NETO1: variants seen among roughly 807,000 people sequenced by gnomAD.
NETO1 encodes the protein neuropilin and tolloid-like protein 1.
In NETO1, 26 loss-of-function variants were observed where a neutral mutation model predicts 61.3. The observed-to-expected ratio is 0.42, with a 90% CI of 0.31 to 0.59. The LOEUF is 0.59. NETO1 is among the 20% of genes least tolerant of loss of function. NETO1 has a pLI of 0.12. For synonymous variants in NETO1, 225 were observed against 225.8 expected (o/e 1.00, Z 0.03); for missense variants, 531 against 662.8 (o/e 0.80, Z 2.18).
intron 4 of NETO1, among the ~76,000 whole-genome samples, chr18:72,845,525 A>C (rs1329043137): frequency 1.3e-5 from 2 of 152,234 alleles, no homozygotes; most frequent in Non-Finnish European, 1.5e-5. Context: ...AGACCTACAC[A>C]AATAGACCAC....
At chr18:72,858,797 A>C in intron 4 of NETO1, 29 bp downstream of exon 4, 1 of 1,565,344 alleles carries the variant, frequency 6.4e-7, no homozygotes, top group Non-Finnish European at 8.6e-7. Flanking sequence ...AGGAAGAAAA[A>C]GAAATTTTTT....
At chr18:72,790,910 G>T (rs1427145412) in intron 6 of NETO1, among the ~76,000 whole-genome samples, 1 of 152,076 alleles carries the variant, frequency 6.6e-6, no homozygotes, top group Non-Finnish European at 1.5e-5. Flanking sequence ...GAAATTAATA[G>T]TTACCATGAT....
chr18:72,812,403 C>T (rs531612687), intron 4 of NETO1, among the ~76,000 whole-genome samples: 2 of 152,146 alleles, frequency 1.3e-5, no homozygotes, highest in South Asian at 4.1e-4. Flanking sequence ...AAAATTTACA[C>T]AGTTATCTTT....
chr18:72,865,841 C>G, intron 1 of NETO1: 1 of 620,416 alleles, frequency 1.6e-6, no homozygotes, highest in Non-Finnish European at 2.5e-6. Context: ...TCCAAGTAAC[C>G]CCGTCCCTCA....
chr18:72,820,402 G>A (rs758722041), intron 4 of NETO1, among the ~76,000 whole-genome samples: 8 of 152,278 alleles, frequency 5.3e-5, no homozygotes, highest in African/African-American at 7.2e-5. Flanking sequence ...ATACAAGTGC[G>A]CATTCTCCTT....
intron 4 of NETO1, among the ~76,000 whole-genome samples, chr18:72,810,611 T>C (rs957369569): frequency 1.3e-5 from 2 of 152,232 alleles, no homozygotes; most frequent in Non-Finnish European, 2.9e-5. Context: ...TCTGTAATTT[T>C]GAAAAGGCAC....
intron 4 of NETO1, among the ~76,000 whole-genome samples, chr18:72,826,651 C>A (rs1024930610): frequency 3.3e-5 from 5 of 152,052 alleles, no homozygotes; most frequent in African/African-American, 1.2e-4. Flanking sequence ...TTCCGTGAGA[C>A]AGGTTCACTG....
At chr18:72,753,112 A>T (rs2070676769) in intron 8 of NETO1, among the ~76,000 whole-genome samples, 1 of 152,138 alleles carries the variant, frequency 6.6e-6, no homozygotes, top group South Asian at 2.1e-4. Flanking sequence ...ACAACAAAAA[A>T]CTAGAGGAGC....
intron 7 of NETO1, among the ~76,000 whole-genome samples, chr18:72,758,501 A>C (rs111587198): frequency 1.8e-4 from 28 of 151,978 alleles, no homozygotes; most frequent in African/African-American, 6.0e-4. Context: ...TGCTGTGCAA[A>C]TGAAAAATAA....
chr18:72,751,821 A>G (rs1039628592), intron 8 of NETO1: 1 of 152,328 alleles, frequency 6.6e-6, no homozygotes, highest in African/African-American at 2.4e-5. Context: ...AAGTACAGAA[A>G]GCATTATAGC....
intron 4 of NETO1, among the ~76,000 whole-genome samples, chr18:72,805,841 AT>A (rs945422036): frequency 1.3e-4 from 20 of 151,590 alleles, no homozygotes; most frequent in African/African-American, 2.7e-4. Context: ...ATAAAATACA[AT>A]TTTTTTTTGG....
At chr18:72,777,043 G>A (rs2071570346) in intron 7 of NETO1, among the ~76,000 whole-genome samples, 1 of 152,168 alleles carries the variant, frequency 6.6e-6, no homozygotes, top group Non-Finnish European at 1.5e-5. Context: ...GACAGGCATA[G>A]GACAGTCATG....
intron 7 of NETO1, among the ~76,000 whole-genome samples, chr18:72,774,525 TAAGAA>T (rs1392039989): frequency 6.6e-6 from 1 of 152,158 alleles, no homozygotes; most frequent in Non-Finnish European, 1.5e-5. Context: ...TATAATAATA[TAAGAA>T]ATCTTAAATT....
In NETO1 at chr18:72,747,643, G is replaced by A. The variant is rs548920007; in HGVS notation, c.*536C>T. On this transcript the variant is annotated 3_prime_UTR_variant, in exon 11 of 11. Transcript: ENST00000327305. The stretch of plus-strand genomic sequence containing the variant: ...ATTTAATCAGAATATAATAATAGGT[G>A]TGTATAGTCCATAACCTCTAGCTGG... The A allele has an allele frequency of 7.2e-5, 11 of 152,172 alleles. No individual in the cohort carries two copies. The highest frequency in any genetic ancestry group is 2.6e-4 in the African/African-American group (11 of 41,548). 9.4% of individuals were successfully genotyped at this position (152,172 alleles called of 1,614,324 possible).
chr18:72,862,185 G>C lies in NETO1; in HGVS notation c.220+2623C>G, dbSNP rs183116941. Among the ~76,000 whole-genome samples the C allele has an allele frequency of 2.6e-5, 4 of 152,270 alleles. No homozygotes were observed. The East Asian group carries it at 7.7e-4, about 29-fold the overall frequency. ...GGGTGCCACGGGCATTCCAATGGAA[G>C]GTTACTACAATATAATGGTGGCTGG... On this transcript the variant is annotated intron_variant, in intron 3 of 10. Transcript: ENST00000327305.
chr18:72,797,054 C>T (rs1323832416), intron 4 of NETO1, among the ~76,000 whole-genome samples: 2 of 152,132 alleles, frequency 1.3e-5, no homozygotes, highest in Non-Finnish European at 2.9e-5. Context: ...ATTTTTCCAT[C>T]AACCTTGATG....
intron 4 of NETO1, among the ~76,000 whole-genome samples, chr18:72,804,291 A>G (rs986888270): frequency 2.6e-5 from 4 of 152,208 alleles, no homozygotes; most frequent in Non-Finnish European, 5.9e-5. Context: ...TTATCTTTGT[A>G]TCATGGGTAC....
chr18:72,810,529 A>G (rs1013336020), intron 4 of NETO1, among the ~76,000 whole-genome samples: 7 of 152,206 alleles, frequency 4.6e-5, no homozygotes, highest in African/African-American at 1.4e-4. Context: ...TACAACTGGA[A>G]ATAGTGCTAA....
chr18:72,839,795 TGTTA>T (rs1211524908), intron 4 of NETO1, among the ~76,000 whole-genome samples: 2 of 508 alleles, frequency 3.9e-3, no homozygotes, highest in Non-Finnish European at 0.045. Context: ...GTTTAAGACA[TGTTA>T]TAAGTTTTTT....
Sources: gnomAD v4.1 joint callset for allele counts (sites outside exome capture counted in the v4.1 genomes callset) on GRCh38, gnomAD v4.1.1 for gene constraint, MANE v1.5 for transcripts, NCBI Gene and HGNC (gene_info 2026-07-23, HGNC 2026-07-21) for gene names.